Variants in ADCY9 observed in about 807,000 individuals in gnomAD.
ADCY9 encodes the protein adenylate cyclase type 9.
ADCY9 carries 50 observed loss-of-function variants against 101.5 expected under a neutral mutation model. The ratio of observed to expected loss-of-function variants is 0.49; its 90% CI spans 0.39 to 0.62. The LOEUF is 0.62. Among genes scored for constraint, ADCY9 ranks in the 20% least tolerant of loss-of-function variants. The pLI is 0.00. For missense variants in ADCY9, 1,662 were observed against 1,800.4 expected (o/e 0.92, Z 1.39); for synonymous variants, 905 against 769.3 (o/e 1.18, Z -2.92).
At chr16:4,069,418 G>C (rs1436807881) in intron 2 of ADCY9, among the ~76,000 whole-genome samples, 1 of 94,992 alleles carries the variant, frequency 1.1e-5, no homozygotes, top group Non-Finnish European at 2.4e-5. Flanking sequence ...TACTTCTCGG[G>C]GGAGCCGTGA....
At chr16:4,085,577 A>C (rs935486966) in intron 2 of ADCY9, among the ~76,000 whole-genome samples, 3 of 152,132 alleles carry the variant, frequency 2.0e-5, no homozygotes, top group Non-Finnish European at 4.4e-5. Context: ...AGGGTCACCA[A>C]AGGAGGGGAA....
rs1567413034 is a variant in ADCY9, at chr16:3,966,454, CCG to C, written c.3381_3382del (p.Asp1127GlufsTer95). The C allele has an allele frequency of 1.2e-6, 2 of 1,614,032 alleles. No individual in the cohort carries two copies. The highest frequency in any genetic ancestry group is 1.7e-6 in the Non-Finnish European group (2 of 1,180,062). ...CTGCAGGTGCTCCTGCGGGTGGCTG[CCG>C]TCCTGGGCCTGCGCGGTGTTCAGCC... On this transcript the variant is annotated frameshift_variant, in exon 11 of 11. Transcript: ENST00000294016. LOFTEE classifies it high-confidence loss of function.
At chr16:3,969,448 G>A (rs1203560040) in intron 10 of ADCY9, among the ~76,000 whole-genome samples, 3 of 142,708 alleles carry the variant, frequency 2.1e-5, no homozygotes, top group South Asian at 4.5e-4. Context: ...CATGTTGGCT[G>A]GGCTGGTCTC....
chr16:4,003,900 T>C (rs1213571865), intron 3 of ADCY9, among the ~76,000 whole-genome samples: 1 of 152,076 alleles, frequency 6.6e-6, no homozygotes, highest in Non-Finnish European at 1.5e-5. Flanking sequence ...TCGGGCAGTA[T>C]CTGTCCCCCA....
chr16:4,036,140 T>A (rs1044508983), intron 2 of ADCY9, among the ~76,000 whole-genome samples: 5 of 147,344 alleles, frequency 3.4e-5, no homozygotes, highest in African/African-American at 1.3e-4. Flanking sequence ...TGTATCTTCC[T>A]ATCTCCTAGT....
downstream of ADCY9, among the ~76,000 whole-genome samples, chr16:3,958,050 G>T (rs935580426): frequency 1.3e-5 from 2 of 152,150 alleles, no homozygotes; most frequent in African/African-American, 4.8e-5. Context: ...CCTCCACTGT[G>T]CCAGGGCTGG....
intron 2 of ADCY9, among the ~76,000 whole-genome samples, chr16:4,110,952 C>T (rs540250253): frequency 6.6e-6 from 1 of 152,216 alleles, no homozygotes; most frequent in Non-Finnish European, 1.5e-5. Context: ...CGAGTCCCAC[C>T]TCCTACCTCA....
At chr16:4,096,060 A>G (rs181901539) in intron 2 of ADCY9, among the ~76,000 whole-genome samples, 232 of 152,028 alleles carry the variant, frequency 1.5e-3, no homozygotes, top group Non-Finnish European at 2.6e-3. Flanking sequence ...TCAGGAAACC[A>G]TGTGTAAATT....
At chr16:4,057,365 T>C (rs1396126293) in intron 2 of ADCY9, among the ~76,000 whole-genome samples, 1 of 152,060 alleles carries the variant, frequency 6.6e-6, no homozygotes, top group Non-Finnish European at 1.5e-5. Flanking sequence ...AATTCAGTGG[T>C]GTCTAGCATA....
chr16:4,116,355 C>T lies in ADCY9; in HGVS notation c.-709G>A, dbSNP rs2057152552. Among the ~76,000 whole-genome samples the T allele has an allele frequency of 6.9e-6, 1 of 145,428 alleles. No homozygotes were observed. Among genetic ancestry groups the T allele is most frequent in the African/African-American group, 2.5e-5 (1 of 40,552 alleles). On this transcript the variant is annotated 5_prime_UTR_variant, in exon 1 of 11. Transcript: ENST00000294016. ...GCTAGAGATGCGGCCGCCGCCGCGC[C>T]CGCCGCCGTGTCCCCCGCGGCCGCT... is the stretch of plus-strand genomic sequence containing the variant.
intron 2 of ADCY9, among the ~76,000 whole-genome samples, chr16:4,069,225 G>A (rs953350779): frequency 6.6e-6 from 1 of 151,808 alleles, no homozygotes; most frequent in Non-Finnish European, 1.5e-5. Flanking sequence ...ACGAATCAAA[G>A]AGATTTTTCA....
intron 6 of ADCY9, among the ~76,000 whole-genome samples, chr16:3,987,412 T>C (rs1412182402): frequency 6.6e-6 from 1 of 152,192 alleles, no homozygotes; most frequent in Non-Finnish European, 1.5e-5. Context: ...GGACGCCTGG[T>C]TTGGCAGCCA....
intron 3 of ADCY9, among the ~76,000 whole-genome samples, chr16:4,001,266 C>T (rs1298777359): frequency 6.6e-6 from 1 of 152,184 alleles, no homozygotes; most frequent in African/African-American, 2.4e-5. Context: ...CACCCCCAGC[C>T]TATGGGGGTT....
At chr16:4,086,208 G>A (rs911703864) in intron 2 of ADCY9, among the ~76,000 whole-genome samples, 4 of 151,994 alleles carry the variant, frequency 2.6e-5, no homozygotes, top group Admixed American at 1.3e-4. Context: ...CTGGAAGGGA[G>A]GTCACATCTA....
chr16:3,965,770 C>A lies in ADCY9; in HGVS notation c.*5G>T. On this transcript the variant is annotated 3_prime_UTR_variant, in exon 11 of 11. Coordinates refer to ENST00000294016, the MANE Select transcript of ADCY9 (RefSeq NM_001116.4). ...GAGCACCTCGGGCAGCGGGTGGGCG[C>A]CGCCTCACACACTCTTTGAAACGTT... 1 of 1,601,042 alleles carries A rather than the reference C, an allele frequency of 6.2e-7. No homozygotes were observed. The highest frequency in any genetic ancestry group is 8.5e-7 in the Non-Finnish European group (1 of 1,172,292).
At chr16:4,088,764 A>G (rs1368173217) in intron 2 of ADCY9, among the ~76,000 whole-genome samples, 1 of 151,976 alleles carries the variant, frequency 6.6e-6, no homozygotes, top group East Asian at 1.9e-4. Flanking sequence ...GTACTACAAT[A>G]TACTCTAATT....
chr16:4,064,940 T>C (rs1036142189), intron 2 of ADCY9, among the ~76,000 whole-genome samples: 17 of 152,202 alleles, frequency 1.1e-4, no homozygotes, highest in Admixed American at 8.5e-4. Flanking sequence ...TCCTGATTCA[T>C]GGCTGGTGAA....
In ADCY9 at chr16:4,114,124, G is replaced by A; in HGVS notation, c.1319C>T (p.Thr440Ile). 6.2e-7 allele frequency: 1 copy of A among 1,613,866 alleles called. No individual in the cohort carries two copies. The highest frequency in any genetic ancestry group is 8.5e-7 in the Non-Finnish European group (1 of 1,180,040). ...CACGCAGTAGTAACAGTCTCCCAGG[G>A]TGCTGATTTTCTCACACTTGGTCTC... Reference protein sequence around the residue: ...CEETKCEKISTLGDCYYCVAG... With the variant: ...CEETKCEKISILGDCYYCVAG... The change falls in exon 2 of 11, where the codon ACC (threonine) becomes ATC (isoleucine). Residue 440 changes from threonine (T) to isoleucine (I), a missense_variant. By Grantham distance (89) the Thr-to-Ile change is moderately conservative. This residue lies in a region of ADCY9 where 228 missense variants were observed against 301.1 expected (regional missense o/e 0.76). Transcript: ENST00000294016. This position sits in a 1 kb window ranked among gnomAD's most constrained non-coding sequence, Gnocchi z 4.3.
chr16:3,993,241 A>G, intron 4 of ADCY9, 165 bp downstream of exon 4: 4 of 1,284,092 alleles, frequency 3.1e-6, no homozygotes, highest in East Asian at 2.6e-5. Context: ...CCCTCCCTCG[A>G]GCTCCCTGCC....
Sources: allele counts gnomAD v4.1 joint callset (sites outside exome capture counted in the v4.1 genomes callset), GRCh38; gene constraint gnomAD v4.1.1; regional missense constraint gnomAD v4.1.1; non-coding constraint Gnocchi (gnomAD v3.1); transcripts MANE v1.5; gene names NCBI Gene and HGNC (gene_info 2026-07-23, HGNC 2026-07-21).